Variants in LRRTM4 observed in about 807,000 individuals in gnomAD.
LRRTM4 encodes the protein leucine-rich repeat transmembrane neuronal protein 4.
LRRTM4 carries 25 observed loss-of-function variants against 47.6 expected under a neutral mutation model. The observed-to-expected ratio is 0.53, with a 90% confidence interval of 0.38 to 0.73. LRRTM4 has a LOEUF of 0.73. LRRTM4 is among the 30% of genes least tolerant of loss of function. The probability of loss-of-function intolerance (pLI) is 0.00; values close to 1 mark genes in which losing one functional copy is unlikely to be tolerated. For synonymous variants in LRRTM4, 311 were observed against 269.5 expected (o/e 1.15, Z -1.51); for missense variants, 638 against 713.4 (o/e 0.89, Z 1.20).
intron 3 of LRRTM4, among the ~76,000 whole-genome samples, chr2:77,071,828 A>G (rs1680163632): frequency 6.6e-6 from 1 of 152,202 alleles, no homozygotes; most frequent in African/African-American, 2.4e-5. Context: ...ATCTTCAAAC[A>G]GGATCCAAAA....
At chr2:76,921,767 C>CT (rs1420999897) in intron 3 of LRRTM4, among the ~76,000 whole-genome samples, 1 of 151,920 alleles carries the variant, frequency 6.6e-6, no homozygotes, top group Non-Finnish European at 1.5e-5. Context: ...GATGTTCTTA[C>CT]TTTCTGGAAC....
At chr2:76,981,278 T>C (rs1008338406) in intron 3 of LRRTM4, among the ~76,000 whole-genome samples, 1 of 152,018 alleles carries the variant, frequency 6.6e-6, no homozygotes, top group Non-Finnish European at 1.5e-5. Context: ...CAGAAGATAA[T>C]AAAACATAGA....
Position 76,799,371 on chromosome 2 carries a change from T to C in LRRTM4, c.1552-50455A>G, listed in dbSNP as rs1481378521. Among the ~76,000 whole-genome samples, 36 of 110,498 alleles carry C rather than the reference T, an allele frequency of 3.3e-4. 7 individuals are homozygous for C. The South Asian group carries it at 6.4e-3, about 20-fold the overall frequency. 72.5% of individuals were successfully genotyped at this position (110,498 alleles called of 152,430 possible). On this transcript the variant is annotated intron_variant, in intron 3 of 3. Coordinates refer to ENST00000409884, the MANE Select transcript of LRRTM4 (RefSeq NM_001134745.3). ...AAAACCACATGATTATCTCAATAGA[T>C]GCAGAAAAGGCCTTTGACAAAATTC...
intron 3 of LRRTM4, among the ~76,000 whole-genome samples, chr2:77,414,220 CA>C (rs1674552635): frequency 6.6e-6 from 1 of 151,858 alleles, no homozygotes; most frequent in African/African-American, 2.4e-5. Flanking sequence ...TTTCATTCAA[CA>C]AACAGATATT....
chr2:76,896,900 C>G (rs2103730791), intron 3 of LRRTM4, among the ~76,000 whole-genome samples: 1 of 149,926 alleles, frequency 6.7e-6, no homozygotes, highest in East Asian at 2.0e-4. Flanking sequence ...TTCTATCAAA[C>G]TAATCAAAAT....
chr2:77,270,619 A>G (rs149697613), intron 3 of LRRTM4, among the ~76,000 whole-genome samples: 109 of 152,312 alleles, frequency 7.2e-4, no homozygotes, highest in African/African-American at 2.5e-3. Flanking sequence ...TTATTTGACC[A>G]TTAACATTTC....
chr2:76,927,958 G>A (rs942228497), intron 3 of LRRTM4, among the ~76,000 whole-genome samples: 2 of 152,116 alleles, frequency 1.3e-5, no homozygotes, highest in African/African-American at 4.8e-5. Flanking sequence ...TGTTCTTAAA[G>A]CGCAATTACA....
chr2:77,043,548 G>C (rs1265909890), intron 3 of LRRTM4, among the ~76,000 whole-genome samples: 1 of 151,710 alleles, frequency 6.6e-6, no homozygotes, highest in Non-Finnish European at 1.5e-5. Context: ...TACTGAAACT[G>C]AATTTAAGTT....
chr2:77,082,286 A>AT (rs893482954), intron 3 of LRRTM4, among the ~76,000 whole-genome samples: 4 of 151,822 alleles, frequency 2.6e-5, no homozygotes, highest in Admixed American at 6.6e-5. Flanking sequence ...TTCACGAACA[A>AT]TTTTTTTTAC....
At chr2:76,899,226 C>T (rs1299351238) in intron 3 of LRRTM4, among the ~76,000 whole-genome samples, 1 of 151,234 alleles carries the variant, frequency 6.6e-6, no homozygotes, top group Non-Finnish European at 1.5e-5. Flanking sequence ...GAGAGAGATG[C>T]TGGGACACAG....
At chr2:77,433,314 T>A (rs2103910146) in intron 3 of LRRTM4, among the ~76,000 whole-genome samples, 1 of 152,228 alleles carries the variant, frequency 6.6e-6, no homozygotes, top group Admixed American at 6.5e-5. Context: ...AACAGAAAGT[T>A]ATGAGGGCAG....
At chr2:77,150,667 A>C (rs2103783914) in intron 3 of LRRTM4, among the ~76,000 whole-genome samples, 1 of 152,332 alleles carries the variant, frequency 6.6e-6, no homozygotes, top group Admixed American at 6.5e-5. Context: ...AATATGCAAA[A>C]AACTAAGCAC....
chr2:77,307,976 A>G (rs1677334818), intron 3 of LRRTM4, among the ~76,000 whole-genome samples: 1 of 114,566 alleles, frequency 8.7e-6, no homozygotes, highest in Admixed American at 9.1e-5. Context: ...TATATTATAG[A>G]AATATAAATA....
intron 3 of LRRTM4, among the ~76,000 whole-genome samples, chr2:77,465,452 T>C (rs1238888189): frequency 6.6e-6 from 1 of 152,126 alleles, no homozygotes; most frequent in Non-Finnish European, 1.5e-5. Flanking sequence ...AAAGTGAATT[T>C]ATAACGTCAC....
At position 77,219,534 on chromosome 2, in the gene LRRTM4, C is replaced by T. The variant is rs540049606; in HGVS notation, c.1551+298784G>A. On this transcript the variant is annotated intron_variant, in intron 3 of 3. Transcript: ENST00000409884. ...AATATCGGTACCCTTGTTTACAGTA[C>T]GGATAACTTCTAAGAGGAGGCTGAT... 1.2e-3 allele frequency among the ~76,000 whole-genome samples: 190 copies of T among 152,206 alleles called. 1 individual carries two copies. The South Asian group carries it at 0.019, about 15-fold the overall frequency.
intron 3 of LRRTM4, among the ~76,000 whole-genome samples, chr2:77,089,813 A>G (rs901023805): frequency 6.6e-6 from 1 of 152,124 alleles, no homozygotes; most frequent in Non-Finnish European, 1.5e-5. Flanking sequence ...GGCACTTTGA[A>G]TTTTTCCATC....
At chr2:77,238,500 C>G (rs1157666841) in intron 3 of LRRTM4, among the ~76,000 whole-genome samples, 1 of 151,908 alleles carries the variant, frequency 6.6e-6, no homozygotes, top group Non-Finnish European at 1.5e-5. Context: ...AAACAGAGAA[C>G]TACCCATGTT....
intron 3 of LRRTM4, among the ~76,000 whole-genome samples, chr2:77,359,560 G>A (rs920200188): frequency 2.4e-4 from 37 of 152,074 alleles, no homozygotes; most frequent in African/African-American, 8.7e-4. Context: ...AGTACACTTA[G>A]GTTTTATGAA....
intron 3 of LRRTM4, among the ~76,000 whole-genome samples, chr2:76,926,635 T>C (rs553852384): frequency 6.6e-6 from 1 of 152,264 alleles, no homozygotes; most frequent in South Asian, 2.1e-4. Flanking sequence ...TGTTTTGTTA[T>C]GGTGTTAGTG....
Sources: allele counts gnomAD v4.1 joint callset (sites outside exome capture counted in the v4.1 genomes callset), GRCh38; gene constraint gnomAD v4.1.1; transcripts MANE v1.5; gene names NCBI Gene and HGNC (gene_info 2026-07-23, HGNC 2026-07-21).